The following SHISA8 variants were observed in gnomAD, a reference collection of about 807,000 sequenced individuals.
SHISA8 encodes the protein protein shisa-8.
SHISA8 carries 21 observed loss-of-function variants against 21.1 expected under a neutral mutation model. The observed-to-expected ratio is 0.99, with a 90% CI of 0.71 to 1.43. The LOEUF (loss-of-function observed/expected upper bound fraction) is 1.43, where lower values mean the gene tolerates loss of function less well. Among genes scored for constraint, SHISA8 ranks in the 40% most tolerant of loss-of-function variants. The pLI is 0.00. For synonymous variants in SHISA8, 300 were observed against 291.4 expected (o/e 1.03, Z -0.30); for missense variants, 535 against 599.1 (o/e 0.89, Z 1.12).
rs776027676 is a variant in SHISA8 at position 41,914,268 on chromosome 22, C to T, written c.400G>A (p.Gly134Ser). Residue 134 changes from glycine (G) to serine (S), a missense_variant, in exon 1 of 4, where the codon GGC becomes AGC. Gly to Ser is a moderately conservative substitution (Grantham distance 56, BLOSUM62 0). Transcript: ENST00000621082. The surrounding 1 kb of genome is among the most constrained non-coding windows in gnomAD (Gnocchi z 6.8). Reference sequence around the variant, plus strand: ...ACGGCCGTATGGCTGCGCTCGCGGCCGGGGTCCCGGGGCGCTGCGGTGTCG... The same window carrying T: ...ACGGCCGTATGGCTGCGCTCGCGGCTGGGGTCCCGGGGCGCTGCGGTGTCG... The part of the protein sequence containing the change: ...ARDTAAPRDP[G>S]RERSHTAVYA... 243 of 1,281,680 alleles carry T rather than the reference C, an allele frequency of 1.9e-4. 2 individuals are homozygous for T. Among genetic ancestry groups the T allele is most frequent in the Non-Finnish European group, 2.9e-5 (30 of 1,019,464 alleles). 79.4% of individuals were successfully genotyped at this position (1,281,680 alleles called of 1,614,324 possible).
At chr22:41,911,123 AGCCTCTATGCCCCAGCCGAGGGACC>A (rs2077550437) in intron 2 of SHISA8, 68 bp downstream of exon 2, 3 of 1,227,680 alleles carry the variant, frequency 2.4e-6, no homozygotes, top group Non-Finnish European at 3.1e-6. Context: ...CCACCGGGGA[AGCCTCTATGCCCCAGCCGAGGGACC>A]GCCTCTCGGC....
Position 41,910,505 on chromosome 22 carries a change from G to T in SHISA8, c.714C>A (p.Pro238=). The T allele has an allele frequency of 8.0e-7, 1 of 1,255,302 alleles. No homozygotes were observed. The highest frequency in any genetic ancestry group is 9.9e-7 in the Non-Finnish European group (1 of 1,006,642). The allele number at this position is 1,255,302 out of a possible 1,614,324, so 77.8% of individuals were successfully genotyped here. ...CGCCCTGCAGCCGCGGGCCGCGCGG[G>T]GGCCCCGGGGCGGCCGACCCCCGGG... ...NAPRGSAAPG[P]PRGPRLQGGG... is the part of the protein sequence containing the mutation. Residue 238 remains proline, a synonymous_variant, in exon 3 of 4, where the codon CCC becomes CCA. Coordinates refer to ENST00000621082, the MANE Select transcript of SHISA8 (RefSeq NM_001207020.3). The surrounding 1 kb of genome is among the most constrained non-coding windows in gnomAD (Gnocchi z 6.8).
chr22:41,910,595 G>C lies in SHISA8; in HGVS notation c.665-41C>G. ...AGACGCGGCTCGGTCCGATGCCCCGGTTCACTCCGCCCTCGCTGTCACCTC... is the reference window on the plus strand; with the variant it reads ...AGACGCGGCTCGGTCCGATGCCCCGCTTCACTCCGCCCTCGCTGTCACCTC... On this transcript the variant is annotated intron_variant, in intron 2 of 3. Coordinates refer to ENST00000621082, the MANE Select transcript of SHISA8 (RefSeq NM_001207020.3). This position sits in a 1 kb window ranked among gnomAD's most constrained non-coding sequence, Gnocchi z 6.8. 8.2e-7 allele frequency: 1 copy of C among 1,217,736 alleles called. No homozygotes were observed. The highest frequency in any genetic ancestry group is 1.0e-6 in the Non-Finnish European group (1 of 978,262). The allele number at this position is 1,217,736 out of a possible 1,614,324, so 75.4% of individuals were successfully genotyped here. A position where few individuals can be genotyped will look rare whatever the true frequency, so the allele number is the denominator to read the frequency against.
chr22:41,912,317 C>T (rs2077557950), intron 1 of SHISA8, among the ~76,000 whole-genome samples: 1 of 152,246 alleles, frequency 6.6e-6, no homozygotes, highest in Admixed American at 6.5e-5. Flanking sequence ...GCCTGACCCT[C>T]CTTCCGGGGC....
chr22:41,910,329 T>C lies in SHISA8; in HGVS notation c.811+79A>G. On this transcript the variant is annotated intron_variant, in intron 3 of 3. Coordinates refer to ENST00000621082, the MANE Select transcript of SHISA8 (RefSeq NM_001207020.3). The surrounding 1 kb of genome is among the most constrained non-coding windows in gnomAD (Gnocchi z 6.8). Reference sequence around the variant, plus strand: ...CGCGCGGAACTGGGAATTTGGCGCTTGGAGCTGCGGCCCCGCGCTTCGCAG... The same window carrying C: ...CGCGCGGAACTGGGAATTTGGCGCTCGGAGCTGCGGCCCCGCGCTTCGCAG... 2 of 1,252,928 alleles carry C rather than the reference T, an allele frequency of 1.6e-6. No homozygotes were observed. The highest frequency in any genetic ancestry group is 2.0e-6 in the Non-Finnish European group (2 of 998,138). The allele number at this position is 1,252,928 out of a possible 1,614,324, so 77.6% of individuals were successfully genotyped here.
Position 41,911,233 on chromosome 22 carries a change from G to A in SHISA8, c.647C>T (p.Ser216Phe), listed in dbSNP as rs904502412. The A allele has an allele frequency of 7.8e-7, 1 of 1,282,704 alleles. No individual in the cohort carries two copies. The highest frequency in any genetic ancestry group is 9.8e-7 in the Non-Finnish European group (1 of 1,015,522). The allele number at this position is 1,282,704 out of a possible 1,614,324, so 79.5% of individuals were successfully genotyped here. Reference sequence around the variant, plus strand: ...CGACTCACCTGCGCTGTTGTGGGGGGAGCCCCGGGGGAGGCCGTCCCCCAT... The same window carrying A: ...CGACTCACCTGCGCTGTTGTGGGGGAAGCCCCGGGGGAGGCCGTCCCCCAT... Reference protein sequence around the residue: ...VQMGDGLPRGSPHNSADKKRL... With the variant: ...VQMGDGLPRGFPHNSADKKRL... Residue 216 changes from serine (S) to phenylalanine (F), a missense_variant, in exon 2 of 4, where the codon TCC becomes TTC. Ser to Phe is a radical substitution (Grantham distance 155, BLOSUM62 -2). Transcript: ENST00000621082.
intron 1 of SHISA8, among the ~76,000 whole-genome samples, chr22:41,911,989 C>T (rs112648327): frequency 0.021 from 3,184 of 152,336 alleles, 118 homozygotes; most frequent in African/African-American, 0.072. Context: ...TCTCGGCCTC[C>T]CAAAGTGCTG....
In SHISA8 at chr22:41,914,006, GAGA is replaced by G; in HGVS notation, c.530+129_530+131del. 2 of 977,556 alleles carry G rather than the reference GAGA, an allele frequency of 2.0e-6. No homozygotes were observed. Among genetic ancestry groups the G allele is most frequent in the South Asian group, 2.6e-5 (1 of 37,868 alleles). The allele number at this position is 977,556 out of a possible 1,614,324, so 60.6% of individuals were successfully genotyped here. A position where few individuals can be genotyped will look rare whatever the true frequency, so the allele number is the denominator to read the frequency against. On this transcript the variant is annotated intron_variant, in intron 1 of 3. Transcript: ENST00000621082. This position sits in a 1 kb window ranked among gnomAD's most constrained non-coding sequence, Gnocchi z 6.8. ...TGAAGTGTTGGGGGGGCGGCGGGGGGAGAAGGAGACAGGAAAACCCAGAGAAGG... is the reference window on the plus strand; with the variant it reads ...TGAAGTGTTGGGGGGGCGGCGGGGGGAGGAGACAGGAAAACCCAGAGAAGG...
rs2077534071 is a variant in SHISA8 at position 41,909,740 on chromosome 22, G to A, written c.*25C>T. On this transcript the variant is annotated 3_prime_UTR_variant, in exon 4 of 4. Coordinates refer to ENST00000621082, the MANE Select transcript of SHISA8 (RefSeq NM_001207020.3). ...ACGGGCAGACAGGACCCCAGCCCAT[G>A]CCTCGAGGGCACCGCGGCCCCGCTT... 1.4e-6 allele frequency: 2 copies of A among 1,415,008 alleles called. No homozygotes were observed. Among genetic ancestry groups the A allele is most frequent in the African/African-American group, 1.5e-5 (1 of 67,680 alleles). 87.7% of individuals were successfully genotyped at this position (1,415,008 alleles called of 1,614,324 possible).
Position 41,909,612 on chromosome 22 carries a change from GACGA to G in SHISA8, c.*149_*152del, listed in dbSNP as rs1323766128. The G allele has an allele frequency of 5.6e-6, 6 of 1,080,152 alleles. No homozygotes were observed. The highest frequency in any genetic ancestry group is 7.3e-6 in the Non-Finnish European group (6 of 827,450). 66.9% of individuals were successfully genotyped at this position (1,080,152 alleles called of 1,614,324 possible). A position where few individuals can be genotyped will look rare whatever the true frequency, so the allele number is the denominator to read the frequency against. ...ACCACATAAAAGGGCTTATTTACAA[GACGA>G]ACCCGCGGCCTGCAGGCTCCAAGAC... is the stretch of plus-strand genomic sequence containing the variant. On this transcript the variant is annotated 3_prime_UTR_variant, in exon 4 of 4. Transcript: ENST00000621082.
chr22:41,910,629 C>T lies in SHISA8; in HGVS notation c.665-75G>A, dbSNP rs907509361. 1.7e-6 allele frequency: 2 copies of T among 1,209,616 alleles called. No individual in the cohort carries two copies. Among genetic ancestry groups the T allele is most frequent in the Non-Finnish European group, 1.0e-6 (1 of 972,950 alleles). The allele number at this position is 1,209,616 out of a possible 1,614,324, so 74.9% of individuals were successfully genotyped here. ...GCCCTCGCTGTCACCTCTCCGTAGT[C>T]CTCTCCCCGAGGCCGTTCGGTGAGA... is the stretch of plus-strand genomic sequence containing the variant. On this transcript the variant is annotated intron_variant, in intron 2 of 3. Coordinates refer to ENST00000621082, the MANE Select transcript of SHISA8 (RefSeq NM_001207020.3). This position sits in a 1 kb window ranked among gnomAD's most constrained non-coding sequence, Gnocchi z 6.8.
Position 41,909,714 on chromosome 22 carries a change from G to C in SHISA8, c.*51C>G. ...TCCTCTCCCTGTGGCCTGAGGCTCC[G>C]ACGGGCAGACAGGACCCCAGCCCAT... On this transcript the variant is annotated 3_prime_UTR_variant, in exon 4 of 4. Coordinates refer to ENST00000621082, the MANE Select transcript of SHISA8 (RefSeq NM_001207020.3). 7.4e-7 allele frequency: 1 copy of C among 1,354,822 alleles called. No individual in the cohort carries two copies. The highest frequency in any genetic ancestry group is 1.8e-5 in the South Asian group (1 of 54,912). 83.9% of individuals were successfully genotyped at this position (1,354,822 alleles called of 1,614,324 possible).
chr22:41,913,259 T>TAAAAAGGA (rs1458874322), intron 1 of SHISA8, among the ~76,000 whole-genome samples: 1 of 152,250 alleles, frequency 6.6e-6, no homozygotes, highest in Non-Finnish European at 1.5e-5. Flanking sequence ...TGAAGGCTTC[T>TAAAAAGGA]CTATGGTCAC....
Position 41,914,627 on chromosome 22 carries a change from C to A in SHISA8, c.41G>T (p.Arg14Leu). The change falls in exon 1 of 4, where the codon CGT becomes CTT. Residue 14 changes from arginine (R) to leucine (L), a missense_variant. Transcript: ENST00000621082. This position sits in a 1 kb window ranked among gnomAD's most constrained non-coding sequence, Gnocchi z 6.8. ...GAGCGCGAGCCGGAGGCCGGGAGGA[C>A]GGCGGCCGCCGAGCAGTCCCCGCGC... is the stretch of plus-strand genomic sequence containing the variant. ...AGARGLLGGR[R>L]PPGLRLALAL... The A allele has an allele frequency of 2.9e-6, 3 of 1,048,862 alleles. No individual in the cohort carries two copies. The highest frequency in any genetic ancestry group is 2.3e-6 in the Non-Finnish European group (2 of 873,388). 65.0% of individuals were successfully genotyped at this position (1,048,862 alleles called of 1,614,324 possible). A position where few individuals can be genotyped will look rare whatever the true frequency, so the allele number is the denominator to read the frequency against.
Position 41,914,523 on chromosome 22 carries a change from G to T in SHISA8, c.145C>A (p.Pro49Thr). Residue 49 changes from proline to threonine, a missense_variant, in exon 1 of 4, where the codon CCC becomes ACC. Transcript: ENST00000621082. The surrounding 1 kb of genome is among the most constrained non-coding windows in gnomAD (Gnocchi z 6.8). ...CCCCCCTCCGGGGCTGTCGTGCCGGGCGCCGCGGGACCCTGCGCCTCGGGG... is the reference window on the plus strand; with the variant it reads ...CCCCCCTCCGGGGCTGTCGTGCCGGTCGCCGCGGGACCCTGCGCCTCGGGG... ...GAPEAQGPAA[P>T]GTTAPEGGDR... 1 of 1,220,864 alleles carries T rather than the reference G, an allele frequency of 8.2e-7. No homozygotes were observed. The highest frequency in any genetic ancestry group is 1.0e-6 in the Non-Finnish European group (1 of 980,782). 75.6% of individuals were successfully genotyped at this position (1,220,864 alleles called of 1,614,324 possible). A position where few individuals can be genotyped will look rare whatever the true frequency, so the allele number is the denominator to read the frequency against.
Position 41,910,576 on chromosome 22 carries a change from G to A in SHISA8, c.665-22C>T, listed in dbSNP as rs1414085283. 27 of 1,220,440 alleles carry A rather than the reference G, an allele frequency of 2.2e-5. No homozygotes were observed. Among genetic ancestry groups the A allele is most frequent in the East Asian group, 3.3e-5 (1 of 30,452 alleles). The allele number at this position is 1,220,440 out of a possible 1,614,324, so 75.6% of individuals were successfully genotyped here. Reference sequence around the variant, plus strand: ...TTGTCTGGAGCGAGGAGTGAGACGCGGCTCGGTCCGATGCCCCGGTTCACT... The same window carrying A: ...TTGTCTGGAGCGAGGAGTGAGACGCAGCTCGGTCCGATGCCCCGGTTCACT... On this transcript the variant is annotated intron_variant, in intron 2 of 3. Coordinates refer to ENST00000621082, the MANE Select transcript of SHISA8 (RefSeq NM_001207020.3). The surrounding 1 kb of genome is among the most constrained non-coding windows in gnomAD (Gnocchi z 6.8).
At position 41,910,427 on chromosome 22, in the gene SHISA8, G is replaced by A. The variant is rs2146573554; in HGVS notation, c.792C>T (p.Ala264=). Residue 264 remains alanine, a synonymous_variant, in exon 3 of 4, where the codon GCC becomes GCT. Coordinates refer to ENST00000621082, the MANE Select transcript of SHISA8 (RefSeq NM_001207020.3). The surrounding 1 kb of genome is among the most constrained non-coding windows in gnomAD (Gnocchi z 6.8). ...PDYAKYATFK[A]AALKAAEAAP... ...ACTCACCTGCGGCCTTGAGCGCGGC[G>A]GCCTTGAACGTGGCGTACTTGGCGT... 7.4e-7 allele frequency: 1 copy of A among 1,357,950 alleles called. No individual in the cohort carries two copies. The highest frequency in any genetic ancestry group is 9.5e-7 in the Non-Finnish European group (1 of 1,055,182). 84.1% of individuals were successfully genotyped at this position (1,357,950 alleles called of 1,614,324 possible). A position where few individuals can be genotyped will look rare whatever the true frequency, so the allele number is the denominator to read the frequency against.
chr22:41,911,273 A>G lies in SHISA8; in HGVS notation c.607T>C (p.Cys203Arg). Residue 203 changes from cysteine (C) to arginine (R), a missense_variant, in exon 2 of 4, where the codon TGT becomes CGT. By Grantham distance (180) the Cys-to-Arg change is radical. Transcript: ENST00000621082. ...PPTLGPPLGG[C>R]VQVQMGDGLP... ...CCGTCCCCCATCTGCACCTGGACAC[A>G]GCCACCCAGGGGTGGGCCCAGGGTG... The G allele has an allele frequency of 7.9e-7, 1 of 1,266,764 alleles. No homozygotes were observed. Among genetic ancestry groups the G allele is most frequent in the Middle Eastern group, 2.1e-4 (1 of 4,658 alleles). The allele number at this position is 1,266,764 out of a possible 1,614,324, so 78.5% of individuals were successfully genotyped here.
rs2077541750 is a variant in SHISA8, at chr22:41,910,413, G to T, written c.806C>A (p.Ala269Asp). Reference protein sequence around the residue: ...YATFKAAALKAAEAAPRDFCQ... With the variant: ...YATFKAAALKDAEAAPRDFCQ... ...TGCCCGCACCCGCCACTCACCTGCG[G>T]CCTTGAGCGCGGCGGCCTTGAACGT... Residue 269 changes from alanine (A) to aspartate (D), a missense_variant, in exon 3 of 4, where the codon GCC (alanine) becomes GAC (aspartate). Ala to Asp is a moderately radical substitution (Grantham distance 126, BLOSUM62 -2). Transcript: ENST00000621082. The surrounding 1 kb of genome is among the most constrained non-coding windows in gnomAD (Gnocchi z 6.8). 2 of 1,353,248 alleles carry T rather than the reference G, an allele frequency of 1.5e-6. No homozygotes were observed. The highest frequency in any genetic ancestry group is 1.5e-5 in the African/African-American group (1 of 65,662). The allele number at this position is 1,353,248 out of a possible 1,614,324, so 83.8% of individuals were successfully genotyped here. A position where few individuals can be genotyped will look rare whatever the true frequency, so the allele number is the denominator to read the frequency against.
Sources: allele counts gnomAD v4.1 joint callset (sites outside exome capture counted in the v4.1 genomes callset), GRCh38; gene constraint gnomAD v4.1.1; non-coding constraint Gnocchi (gnomAD v3.1); transcripts MANE v1.5; gene names NCBI Gene and HGNC (gene_info 2026-07-23, HGNC 2026-07-21).